The following UNC5C variants were observed in gnomAD, a reference collection of about 807,000 sequenced individuals.
UNC5C encodes netrin receptor UNC5C.
In UNC5C, 47 loss-of-function variants were observed where a neutral mutation model predicts 99.8. The observed-to-expected ratio is 0.47, with a 90% CI of 0.37 to 0.60. The LOEUF is 0.60. Among genes scored for constraint, UNC5C ranks in the 20% least tolerant of loss-of-function variants. The pLI is 0.00. For missense variants in UNC5C, 1,062 were observed against 1,165.9 expected (o/e 0.91, Z 1.30); for synonymous variants, 487 against 452.2 (o/e 1.08, Z -0.98).
intron 1 of UNC5C, among the ~76,000 whole-genome samples, chr4:95,537,237 T>C (rs1012342331): frequency 4.6e-5 from 7 of 152,170 alleles, no homozygotes; most frequent in Admixed American, 6.5e-5. Context: ...CTAGAAAGTA[T>C]AATGAGAATT....
At chr4:95,422,556 A>ATT (rs35763788) in intron 1 of UNC5C, among the ~76,000 whole-genome samples, 24,639 of 151,758 alleles carry the variant, frequency 0.16, 2,201 homozygotes, top group Non-Finnish European at 0.2. Context: ...CGGGGGCTGT[A>ATT]TTTTTTTCCA....
rs74288925 is a variant in UNC5C, at chr4:95,168,404, A to T, written c.*830T>A. 1 of 152,552 alleles carries T rather than the reference A, an allele frequency of 6.6e-6. No homozygotes were observed. The highest frequency in any genetic ancestry group is 2.4e-5 in the African/African-American group (1 of 41,570). The allele number at this position is 152,552 out of a possible 1,614,324, so 9.4% of individuals were successfully genotyped here. On this transcript the variant is annotated 3_prime_UTR_variant, in exon 16 of 16. Transcript: ENST00000453304. ...ACAAAAATAGAAATTTAAAAAAATCATTTTACCAGAATACCTGTAAATAAT... is the reference window on the plus strand; with the variant it reads ...ACAAAAATAGAAATTTAAAAAAATCTTTTTACCAGAATACCTGTAAATAAT...
chr4:95,476,246 G>GCT (rs1429414030), intron 1 of UNC5C, among the ~76,000 whole-genome samples: 1 of 151,962 alleles, frequency 6.6e-6, no homozygotes, highest in African/African-American at 2.4e-5. Context: ...GGTTAGTCAT[G>GCT]CTCTCTCTCT....
intron 1 of UNC5C, among the ~76,000 whole-genome samples, chr4:95,361,055 A>G (rs1440480803): frequency 6.6e-6 from 1 of 152,202 alleles, no homozygotes; most frequent in Admixed American, 6.6e-5. Flanking sequence ...CATTTCCAGC[A>G]TATCATTTTC....
intron 1 of UNC5C, among the ~76,000 whole-genome samples, chr4:95,377,484 G>A (rs1744932284): frequency 1.3e-5 from 2 of 152,144 alleles, no homozygotes; most frequent in Admixed American, 6.5e-5. Flanking sequence ...AAGTGAAACC[G>A]CTTTGGCATC....
intron 3 of UNC5C, among the ~76,000 whole-genome samples, chr4:95,298,430 G>A (rs1335646005): frequency 6.6e-6 from 1 of 152,152 alleles, no homozygotes; most frequent in African/African-American, 2.4e-5. Flanking sequence ...GGCTGCATCT[G>A]TGGATGTCCT....
chr4:95,359,165 G>C (rs1311946250), intron 1 of UNC5C, among the ~76,000 whole-genome samples: 1 of 152,108 alleles, frequency 6.6e-6, no homozygotes, highest in African/African-American at 2.4e-5. Context: ...TTTATCAGAA[G>C]ACAAAAGTGA....
intron 1 of UNC5C, among the ~76,000 whole-genome samples, chr4:95,388,140 G>A (rs1435072597): frequency 1.3e-5 from 2 of 152,098 alleles, no homozygotes; most frequent in Non-Finnish European, 2.9e-5. Context: ...CATGAAGGAT[G>A]ATGTAAATTA....
At chr4:95,305,268 C>G (rs1289323667) in intron 2 of UNC5C, among the ~76,000 whole-genome samples, 1 of 152,160 alleles carries the variant, frequency 6.6e-6, no homozygotes, top group East Asian at 1.9e-4. Flanking sequence ...GTAGAATTGA[C>G]TGCATTATTC....
chr4:95,479,583 GTGGAAGATCCAAAAA>G (rs1721072245), intron 1 of UNC5C, among the ~76,000 whole-genome samples: 2 of 151,922 alleles, frequency 1.3e-5, no homozygotes, highest in South Asian at 4.1e-4. Flanking sequence ...ATAGTACCCA[GTGGAAGATCCAAAAA>G]TGGCGAATGA....
intron 4 of UNC5C, among the ~76,000 whole-genome samples, chr4:95,260,481 G>A (rs13115731): frequency 0.011 from 1,695 of 152,218 alleles, 22 homozygotes; most frequent in Admixed American, 0.018. Flanking sequence ...AGCAGCCTTC[G>A]ATCCATGGCT....
intron 1 of UNC5C, among the ~76,000 whole-genome samples, chr4:95,476,101 A>G (rs1748136967): frequency 6.6e-6 from 1 of 151,968 alleles, no homozygotes; most frequent in Non-Finnish European, 1.5e-5. Context: ...AGTTTGTTCA[A>G]CTCCTTACTT....
intron 1 of UNC5C, among the ~76,000 whole-genome samples, chr4:95,380,769 T>C (rs566924591): frequency 3.9e-5 from 6 of 152,330 alleles, no homozygotes; most frequent in African/African-American, 1.4e-4. Context: ...TCAGAATTCA[T>C]TAAATAATCA....
At chr4:95,479,299 T>C (rs2903010) in intron 1 of UNC5C, among the ~76,000 whole-genome samples, 4,408 of 152,094 alleles carry the variant, frequency 0.029, 96 homozygotes, top group African/African-American at 0.066. Context: ...TGTCTCTATT[T>C]TTGATTAAAA....
chr4:95,295,352 G>A (rs909144264), intron 3 of UNC5C, among the ~76,000 whole-genome samples: 15 of 152,128 alleles, frequency 9.9e-5, no homozygotes, highest in African/African-American at 3.4e-4. Flanking sequence ...AGGAAATTTG[G>A]CACTGCTGTC....
chr4:95,408,983 A>G (rs1007069718), intron 1 of UNC5C, among the ~76,000 whole-genome samples: 4 of 152,214 alleles, frequency 2.6e-5, no homozygotes, highest in South Asian at 2.1e-4. Context: ...AGAGCTACCC[A>G]TGATCCGAAT....
At chr4:95,373,264 G>A (rs1023170207) in intron 1 of UNC5C, among the ~76,000 whole-genome samples, 25 of 152,178 alleles carry the variant, frequency 1.6e-4, no homozygotes, top group African/African-American at 6.0e-4. Flanking sequence ...ATTTTACCAT[G>A]GCCTAGAATG....
intron 1 of UNC5C, among the ~76,000 whole-genome samples, chr4:95,484,823 G>T (rs567277593): frequency 1.3e-5 from 2 of 151,920 alleles, no homozygotes; most frequent in East Asian, 3.9e-4. Context: ...ACAGTGGCTT[G>T]GACCAAGGTT....
intron 1 of UNC5C, among the ~76,000 whole-genome samples, chr4:95,397,402 T>C (rs925729138): frequency 3.3e-5 from 5 of 152,162 alleles, no homozygotes; most frequent in Non-Finnish European, 5.9e-5. Flanking sequence ...ACCAAGGAGT[T>C]TTAAATAGTA....
Sources: allele counts gnomAD v4.1 joint callset (sites outside exome capture counted in the v4.1 genomes callset), GRCh38; gene constraint gnomAD v4.1.1; transcripts MANE v1.5; gene names NCBI Gene and HGNC (gene_info 2026-07-23, HGNC 2026-07-21).